Variants in NPAS3 observed in about 807,000 individuals in gnomAD.
NPAS3 encodes neuronal PAS domain-containing protein 3.
NPAS3 carries 14 observed loss-of-function variants against 73.1 expected under a neutral mutation model. The observed-to-expected ratio is 0.19, with a 90% confidence interval of 0.13 to 0.30. The LOEUF (loss-of-function observed/expected upper bound fraction) is 0.30. Among genes scored for constraint, NPAS3 ranks in the 10% least tolerant of loss-of-function variants. The pLI is 1.00. For missense variants in NPAS3, 1,096 were observed against 1,250.0 expected (o/e 0.88, Z 1.86); for synonymous variants, 620 against 541.5 (o/e 1.14, Z -2.01).
chr14:33,012,716 T>A (rs2039252381), intron 1 of NPAS3, among the ~76,000 whole-genome samples: 1 of 152,002 alleles, frequency 6.6e-6, no homozygotes, highest in African/African-American at 2.4e-5. Context: ...ACATGGCTAA[T>A]TTTTTGTATT....
intron 3 of NPAS3, among the ~76,000 whole-genome samples, chr14:33,303,576 A>C (rs1477796457): frequency 2.0e-5 from 3 of 152,114 alleles, no homozygotes; most frequent in African/African-American, 7.2e-5. Flanking sequence ...TTGGGGAACA[A>C]TGGAAGATGG....
chr14:33,520,199 G>T lies in NPAS3; in HGVS notation c.469-39922G>T, dbSNP rs2053494967. On this transcript the variant is annotated intron_variant, in intron 4 of 11. Coordinates refer to ENST00000356141, the Ensembl canonical transcript of NPAS3. ...ACAGTACAAAAAGTCGCTTCCCCTT[G>T]CCCTCAAGAAGGAGTGAGTGTTTCT... 2.0e-5 allele frequency among the ~76,000 whole-genome samples: 3 copies of T among 152,146 alleles called. No individual in the cohort carries two copies. In the South Asian group the frequency reaches 6.2e-4, roughly 32 times the overall value.
chr14:33,284,450 G>T (rs1594595688), intron 3 of NPAS3, among the ~76,000 whole-genome samples: 2 of 152,008 alleles, frequency 1.3e-5, no homozygotes, highest in African/African-American at 4.8e-5. Flanking sequence ...TGCCAGTATG[G>T]GTAGGAAGCT....
intron 1 of NPAS3, among the ~76,000 whole-genome samples, chr14:33,028,525 T>G (rs2039883657): frequency 6.6e-6 from 1 of 152,134 alleles, no homozygotes; most frequent in African/African-American, 2.4e-5. Context: ...CATGCTGGAG[T>G]TTCACTGTTA....
At chr14:33,342,533 C>T (rs2044535157) in intron 3 of NPAS3, among the ~76,000 whole-genome samples, 1 of 152,220 alleles carries the variant, frequency 6.6e-6, no homozygotes, top group Admixed American at 6.5e-5. Flanking sequence ...TTTTATTTCT[C>T]TGCTCTGCAG....
intron 6 of NPAS3, among the ~76,000 whole-genome samples, chr14:33,687,204 G>A (rs149094479): frequency 5.5e-4 from 84 of 152,294 alleles, no homozygotes; most frequent in Non-Finnish European, 5.4e-4. Context: ...CGATGATGCC[G>A]TCTGTCCACT....
intron 1 of NPAS3, among the ~76,000 whole-genome samples, chr14:32,948,305 AATGTAGAGTAGAT>A (rs1242649798): frequency 6.6e-6 from 1 of 152,118 alleles, no homozygotes; most frequent in Non-Finnish European, 1.5e-5. Flanking sequence ...GGCAGTGAAG[AATGTAGAGTAGAT>A]ATATTGCATC....
chr14:33,712,033 C>CA lies in NPAS3; in HGVS notation c.734-23177dup, dbSNP rs2060833476. On this transcript the variant is annotated intron_variant, in intron 6 of 11. Coordinates refer to ENST00000356141, the Ensembl canonical transcript of NPAS3. ...CGTTTGTTCTCAGGCAGAAGAGATACAAAAGCATCACTATGGCATGGTGAA... is the reference window on the plus strand; with the variant it reads ...CGTTTGTTCTCAGGCAGAAGAGATACAAAAAGCATCACTATGGCATGGTGAA... Among the ~76,000 whole-genome samples the CA allele has an allele frequency of 2.6e-5, 4 of 152,276 alleles. 1 individual carries two copies. The South Asian group carries it at 8.3e-4, about 32-fold the overall frequency.
intron 5 of NPAS3, among the ~76,000 whole-genome samples, chr14:33,616,463 A>G (rs2057921514): frequency 6.6e-6 from 1 of 152,170 alleles, no homozygotes; most frequent in East Asian, 1.9e-4. Flanking sequence ...AGAAGGTGAG[A>G]TCACACAAAT....
chr14:33,087,048 A>G (rs2042048007), intron 2 of NPAS3, among the ~76,000 whole-genome samples: 1 of 148,916 alleles, frequency 6.7e-6, no homozygotes, highest in African/African-American at 2.5e-5. Flanking sequence ...AAAAACATTA[A>G]ATGTGGCAGC....
chr14:32,954,533 C>T (rs2036600626), intron 1 of NPAS3, among the ~76,000 whole-genome samples: 1 of 152,050 alleles, frequency 6.6e-6, no homozygotes, highest in South Asian at 2.1e-4. Context: ...TGTTAGCTAC[C>T]TTCTGACTCT....
intron 2 of NPAS3, among the ~76,000 whole-genome samples, chr14:33,066,565 C>G (rs1171385786): frequency 9.9e-5 from 15 of 152,078 alleles, no homozygotes; most frequent in Admixed American, 9.8e-4. Flanking sequence ...AGTCTGGTGG[C>G]AAGTTTGGTT....
chr14:33,247,186 G>A (rs1387872074), intron 3 of NPAS3, among the ~76,000 whole-genome samples: 1 of 151,958 alleles, frequency 6.6e-6, no homozygotes, highest in Non-Finnish European at 1.5e-5. Flanking sequence ...ACATTCTAAA[G>A]TACTCTCCCC....
intron 2 of NPAS3, among the ~76,000 whole-genome samples, chr14:33,074,015 G>T (rs887969221): frequency 6.6e-6 from 1 of 152,216 alleles, no homozygotes. Flanking sequence ...TGACTGGAAA[G>T]TTTGAGGACC....
intron 3 of NPAS3, among the ~76,000 whole-genome samples, chr14:33,243,304 A>G (rs975372550): frequency 2.6e-5 from 4 of 152,164 alleles, no homozygotes; most frequent in African/African-American, 9.7e-5. Context: ...TTTACATATA[A>G]TCACTATATC....
chr14:33,536,785 CTA>C (rs1271063641), intron 4 of NPAS3, among the ~76,000 whole-genome samples: 2 of 152,078 alleles, frequency 1.3e-5, no homozygotes, highest in Admixed American at 1.3e-4. Flanking sequence ...CCAAGTTTTT[CTA>C]TGTTTACCAA....
At chr14:32,999,009 A>G (rs1352677132) in intron 1 of NPAS3, among the ~76,000 whole-genome samples, 2 of 152,006 alleles carry the variant, frequency 1.3e-5, no homozygotes, top group African/African-American at 4.8e-5. Context: ...CATCATATTC[A>G]TGTTTCTATT....
At chr14:33,657,798 A>G (rs1238309110) in intron 5 of NPAS3, among the ~76,000 whole-genome samples, 2 of 152,228 alleles carry the variant, frequency 1.3e-5, no homozygotes, top group Admixed American at 1.3e-4. Flanking sequence ...GTAAAAAAAA[A>G]AAAGATAATT....
intron 7 of NPAS3, among the ~76,000 whole-genome samples, chr14:33,773,421 C>T (rs1388143315): frequency 1.3e-5 from 2 of 152,148 alleles, no homozygotes; most frequent in African/African-American, 4.8e-5. Context: ...ACGCACACCC[C>T]CACCCAGCCC....
Sources: allele counts gnomAD v4.1 joint callset (sites outside exome capture counted in the v4.1 genomes callset), GRCh38; gene constraint gnomAD v4.1.1; transcripts MANE v1.5; gene names NCBI Gene and HGNC (gene_info 2026-07-23, HGNC 2026-07-21).